Variants in KCNAB1 observed in about 807,000 individuals in gnomAD.
KCNAB1 encodes the protein potassium voltage-gated channel subfamily A regulatory beta subunit 1.
A neutral mutation model predicts 64.6 loss-of-function variants in KCNAB1; 35 were observed. The ratio of observed to expected loss-of-function variants is 0.54; its 90% CI spans 0.41 to 0.72. The LOEUF is 0.72. Among genes scored for constraint, KCNAB1 ranks in the 30% least tolerant of loss-of-function variants. The probability of loss-of-function intolerance (pLI) is 0.00; values close to 1 mark genes in which losing one functional copy is unlikely to be tolerated. For missense variants in KCNAB1, 401 were observed against 512.9 expected, an observed-to-expected ratio of 0.78 and a Z score of 2.11; for synonymous variants, 177 against 183.8, an observed-to-expected ratio of 0.96 and a Z score of 0.30.
chr3:156,212,222 A>C (rs553346664), intron 1 of KCNAB1, among the ~76,000 whole-genome samples: 3 of 152,184 alleles, frequency 2.0e-5, no homozygotes, highest in Non-Finnish European at 4.4e-5. Flanking sequence ...GAGGCAGTAC[A>C]TTCTTCACCT....
chr3:156,451,166 T>C (rs879193685), intron 2 of KCNAB1, among the ~76,000 whole-genome samples: 1 of 152,346 alleles, frequency 6.6e-6, no homozygotes, highest in African/African-American at 2.4e-5. Context: ...TTCTAATTGT[T>C]TAAATGTTGG....
At chr3:156,395,405 C>T (rs1470221259) in intron 1 of KCNAB1, among the ~76,000 whole-genome samples, 3 of 149,470 alleles carry the variant, frequency 2.0e-5, no homozygotes, top group Non-Finnish European at 4.5e-5. Flanking sequence ...ATTAGCCGGG[C>T]GTAGTGGCGG....
intron 1 of KCNAB1, among the ~76,000 whole-genome samples, chr3:156,155,048 T>A (rs1037686522): frequency 6.6e-6 from 1 of 152,230 alleles, no homozygotes. Flanking sequence ...AAACATATTC[T>A]TATACAAGAT....
At chr3:156,219,347 G>A (rs1343180854) in intron 1 of KCNAB1, among the ~76,000 whole-genome samples, 1 of 151,740 alleles carries the variant, frequency 6.6e-6, no homozygotes, top group Admixed American at 6.6e-5. Context: ...AATCAAACAA[G>A]CAGAAGAAAG....
At chr3:156,530,125 A>T (rs946391879) in intron 12 of KCNAB1, among the ~76,000 whole-genome samples, 1 of 152,218 alleles carries the variant, frequency 6.6e-6, no homozygotes, top group Non-Finnish European at 1.5e-5. Flanking sequence ...GAGGAAGCCT[A>T]TTCTAGAATG....
chr3:156,156,692 A>G (rs1715746468), intron 1 of KCNAB1, among the ~76,000 whole-genome samples: 1 of 152,220 alleles, frequency 6.6e-6, no homozygotes, highest in South Asian at 2.1e-4. Flanking sequence ...AGGGGAGTGG[A>G]TCTGGAGGGA....
chr3:156,434,024 T>A (rs1039774823), intron 2 of KCNAB1, among the ~76,000 whole-genome samples: 3 of 152,182 alleles, frequency 2.0e-5, no homozygotes, highest in Non-Finnish European at 4.4e-5. Context: ...CTAAGTGAAT[T>A]AATACATACA....
intron 1 of KCNAB1, chr3:156,143,105 A>G: frequency 6.7e-7 from 1 of 1,482,914 alleles, no homozygotes; most frequent in South Asian, 1.5e-5. Context: ...AACCCAAGGT[A>G]TTCACAGCAA....
chr3:156,371,429 C>G (rs1403512905), intron 1 of KCNAB1, among the ~76,000 whole-genome samples: 2 of 152,168 alleles, frequency 1.3e-5, no homozygotes, highest in African/African-American at 4.8e-5. Flanking sequence ...TTCCCCTGTT[C>G]TATTTTTTCT....
intron 13 of KCNAB1, among the ~76,000 whole-genome samples, 170 bp downstream of exon 13, chr3:156,531,667 A>G (rs1008596009): frequency 2.7e-4 from 41 of 152,334 alleles, no homozygotes; most frequent in African/African-American, 9.9e-4. Context: ...TCCTCTGCCT[A>G]TGAACAGGCA....
chr3:156,518,502 TAATTA>T (rs1188596021), intron 11 of KCNAB1, among the ~76,000 whole-genome samples: 6 of 139,830 alleles, frequency 4.3e-5, no homozygotes, highest in Admixed American at 4.1e-4. Context: ...GAAGGAAGGT[TAATTA>T]AATTAAAAGA....
intron 8 of KCNAB1, among the ~76,000 whole-genome samples, chr3:156,475,868 C>A (rs1576915219): frequency 6.6e-6 from 1 of 152,096 alleles, no homozygotes; most frequent in East Asian, 1.9e-4. Context: ...ATTTTCCTTG[C>A]CATTTGTCTC....
rs60469602 is a variant in KCNAB1, at chr3:156,502,532, C to CCACACA, written c.659-11795_659-11790dup. 6.5e-3 allele frequency among the ~76,000 whole-genome samples: 932 copies of CCACACA among 142,882 alleles called. 9 individuals are homozygous for CCACACA. Among genetic ancestry groups the CCACACA allele is most frequent in the African/African-American group, 0.02 (775 of 38,948 alleles). The allele number at this position is 142,882 out of a possible 152,430, so 93.7% of individuals were successfully genotyped here. On this transcript the variant is annotated intron_variant, in intron 8 of 13. Transcript: ENST00000490337. ...ATGAAACCAGATCCCTACCTTACAACCACACACACACACACACACACACAC... is the reference window on the plus strand; with the variant it reads ...ATGAAACCAGATCCCTACCTTACAACCACACACACACACACACACACACACACACAC...
At chr3:156,255,118 G>A (rs1415485080) in intron 1 of KCNAB1, among the ~76,000 whole-genome samples, 3 of 152,230 alleles carry the variant, frequency 2.0e-5, no homozygotes, top group Non-Finnish European at 2.9e-5. Flanking sequence ...TCAGCAACAC[G>A]GCCTATCTGT....
chr3:156,326,167 T>G (rs1179048469), intron 1 of KCNAB1, among the ~76,000 whole-genome samples: 4 of 152,188 alleles, frequency 2.6e-5, no homozygotes, highest in Non-Finnish European at 5.9e-5. Context: ...TCATTTCTTC[T>G]TTCCCGTATT....
intron 1 of KCNAB1, among the ~76,000 whole-genome samples, chr3:156,242,789 G>GT (rs76800600): frequency 0.062 from 7,890 of 128,086 alleles, 295 homozygotes; most frequent in South Asian, 0.1. Context: ...ATTTTTTCAA[G>GT]TTTTTTTTTT....
At chr3:156,148,250 C>T (rs527455771) in intron 1 of KCNAB1, among the ~76,000 whole-genome samples, 2 of 152,258 alleles carry the variant, frequency 1.3e-5, no homozygotes, top group African/African-American at 4.8e-5. Context: ...AGACTTTTCT[C>T]TATATAGGAT....
At chr3:156,515,048 A>AATTTCTCATC in intron 9 of KCNAB1, 52 bp from the exon 10 acceptor site, 1 of 1,512,898 alleles carries the variant, frequency 6.6e-7, no homozygotes. Flanking sequence ...AATTACAGCG[A>AATTTCTCATC]AGCCTTATTT....
chr3:156,157,765 T>A (rs1361936289), intron 1 of KCNAB1, among the ~76,000 whole-genome samples: 1 of 152,166 alleles, frequency 6.6e-6, no homozygotes, highest in Non-Finnish European at 1.5e-5. Context: ...CATTAAATTA[T>A]AAAAGTCACA....
Sources: allele counts gnomAD v4.1 joint callset (sites outside exome capture counted in the v4.1 genomes callset), GRCh38; gene constraint gnomAD v4.1.1; transcripts MANE v1.5; gene names NCBI Gene and HGNC (gene_info 2026-07-23, HGNC 2026-07-21).